The following STK33 variants were observed in gnomAD, a reference collection of about 807,000 sequenced individuals.
STK33 encodes the protein serine/threonine kinase 33, also known as serine/threonine-protein kinase 33.
STK33 carries 52 observed loss-of-function variants against 58.0 expected under a neutral mutation model. The ratio of observed to expected loss-of-function variants is 0.90; its 90% CI spans 0.72 to 1.13. The LOEUF is 1.13. STK33 is among the 50% of genes most tolerant of loss of function. The probability of loss-of-function intolerance (pLI) is 0.00; values close to 1 mark genes in which losing one functional copy is unlikely to be tolerated. For missense variants in STK33, 630 were observed against 604.2 expected, an observed-to-expected ratio of 1.04 and a Z score of -0.45; for synonymous variants, 215 against 200.1, an observed-to-expected ratio of 1.07 and a Z score of -0.63.
rs954436506 is a variant in STK33 at position 8,484,465 on chromosome 11, C to T, written c.-465-3851G>A. On this transcript the variant is annotated intron_variant, in intron 1 of 15. Transcript: ENST00000687296. ...CTCACAGCTAGCTTAAAATACAACC[C>T]TACGGGAGCTTGCTCTAGATGTTTG... Among the ~76,000 whole-genome samples, 4 of 152,152 alleles carry T rather than the reference C, an allele frequency of 2.6e-5. No homozygotes were observed. In the East Asian group the frequency reaches 5.8e-4, roughly 22 times the overall value.
intron 1 of STK33, among the ~76,000 whole-genome samples, chr11:8,490,298 T>C (rs892042777): frequency 6.6e-6 from 1 of 152,226 alleles, no homozygotes; most frequent in Admixed American, 6.5e-5. Flanking sequence ...CCTACGCCTA[T>C]GGAGCCTTGC....
chr11:8,509,077 T>C (rs946299411), intron 1 of STK33, among the ~76,000 whole-genome samples: 3 of 145,000 alleles, frequency 2.1e-5, no homozygotes, highest in African/African-American at 5.2e-5. Flanking sequence ...GGTCGTGCCA[T>C]TGCACTCCAG....
intron 7 of STK33, among the ~76,000 whole-genome samples, chr11:8,464,161 A>G (rs997761009): frequency 6.6e-6 from 1 of 152,210 alleles, no homozygotes; most frequent in African/African-American, 2.4e-5. Context: ...TTTTATCGTC[A>G]AGAGAAGCTC....
chr11:8,479,426 C>G (rs988148948), intron 2 of STK33, among the ~76,000 whole-genome samples: 1 of 144,678 alleles, frequency 6.9e-6, no homozygotes, highest in African/African-American at 2.6e-5. Context: ...AGCTAGACTC[C>G]GTCTCAAAAA....
intron 1 of STK33, among the ~76,000 whole-genome samples, chr11:8,540,990 CTCTCTA>C (rs1419358579): frequency 0.013 from 1,781 of 137,168 alleles, 14 homozygotes; most frequent in Middle Eastern, 0.043. Flanking sequence ...CTCTCTCTCT[CTCTCTA>C]TATATATATA....
intron 14 of STK33, among the ~76,000 whole-genome samples, chr11:8,431,361 G>C (rs538036433): frequency 1.5e-3 from 234 of 152,178 alleles, no homozygotes; most frequent in African/African-American, 5.0e-3. Flanking sequence ...CTCTTATATA[G>C]AGTATATATG....
chr11:8,452,357 G>A (rs1259663896), intron 11 of STK33, among the ~76,000 whole-genome samples: 1 of 152,122 alleles, frequency 6.6e-6, no homozygotes, highest in African/African-American at 2.4e-5. Context: ...TTAAAGGTAG[G>A]AACTGTAAGT....
intron 15 of STK33, among the ~76,000 whole-genome samples, chr11:8,399,280 G>A (rs1007021409): frequency 2.0e-5 from 3 of 152,190 alleles, no homozygotes; most frequent in African/African-American, 7.2e-5. Context: ...TCAGACAACA[G>A]AGCAATCAAA....
chr11:8,387,028 A>C (rs766709648), downstream of STK33, among the ~76,000 whole-genome samples: 14 of 152,344 alleles, frequency 9.2e-5, no homozygotes, highest in Non-Finnish European at 1.8e-4. Flanking sequence ...AAAGGCTTCT[A>C]AAGACTGCTC....
chr11:8,366,998 T>C, the STK33 span, among the ~76,000 whole-genome samples: 2 of 152,344 alleles, frequency 1.3e-5, no homozygotes, highest in South Asian at 4.1e-4. Context: ...GTGTATTTGT[T>C]ATTCTTGTGT....
chr11:8,337,653 G>C, the STK33 span, among the ~76,000 whole-genome samples: 1 of 145,082 alleles, frequency 6.9e-6, no homozygotes, highest in Non-Finnish European at 1.5e-5. Context: ...GGCGGGGGGG[G>C]GGCCCTGCCC....
intron 1 of STK33, among the ~76,000 whole-genome samples, chr11:8,564,377 C>G (rs553349648): frequency 6.6e-6 from 1 of 152,166 alleles, no homozygotes; most frequent in African/African-American, 2.4e-5. Context: ...TCTGGCCTTA[C>G]GCAATTCTGC....
At chr11:8,534,570 G>C (rs7122478) in intron 1 of STK33, among the ~76,000 whole-genome samples, 15 of 107,920 alleles carry the variant, frequency 1.4e-4, no homozygotes, top group African/African-American at 5.6e-4. Flanking sequence ...CTCTCTCTCT[G>C]TGTGTGTGTG....
intron 13 of STK33, 141 bp downstream of exon 13, chr11:8,435,886 C>T (rs938610987): frequency 2.0e-5 from 10 of 488,258 alleles, no homozygotes; most frequent in Admixed American, 4.0e-5. Context: ...GTGAAGATAT[C>T]GCTATTTCCA....
At chr11:8,434,626 A>ACTG (rs1943840566) in intron 14 of STK33, among the ~76,000 whole-genome samples, 2 of 151,604 alleles carry the variant, frequency 1.3e-5, no homozygotes, top group East Asian at 3.9e-4. Context: ...TCTGTGAGCT[A>ACTG]TTATGGTTCC....
At chr11:8,365,761 A>G in the STK33 span, among the ~76,000 whole-genome samples, 12 of 152,132 alleles carry the variant, frequency 7.9e-5, no homozygotes, top group East Asian at 1.6e-3. Flanking sequence ...AGGGAACCCG[A>G]AGCCTCTAGG....
chr11:8,361,261 T>A, the STK33 span, among the ~76,000 whole-genome samples: 6,817 of 152,072 alleles, frequency 0.045, 222 homozygotes, highest in Non-Finnish European at 0.066. The surrounding 1 kb of genome is among the most constrained non-coding windows in gnomAD (Gnocchi z 4.8). Context: ...ACTTCCTTCT[T>A]CCCAAGATGG....
intron 1 of STK33, among the ~76,000 whole-genome samples, chr11:8,589,060 G>C (rs2032180394): frequency 6.6e-6 from 1 of 152,180 alleles, no homozygotes; most frequent in African/African-American, 2.4e-5. Flanking sequence ...CTCATACATT[G>C]CCGTTGGGAA....
chr11:8,494,640 C>T (rs943694864), intron 1 of STK33, among the ~76,000 whole-genome samples: 29 of 152,278 alleles, frequency 1.9e-4, no homozygotes, highest in Middle Eastern at 3.4e-3. Flanking sequence ...ATTGCCAAGA[C>T]AATCCTAAGC....
Sources: allele counts gnomAD v4.1 joint callset (sites outside exome capture counted in the v4.1 genomes callset), GRCh38; gene constraint gnomAD v4.1.1; non-coding constraint Gnocchi (gnomAD v3.1); transcripts MANE v1.5; gene names NCBI Gene and HGNC (gene_info 2026-07-23, HGNC 2026-07-21).